The following DNAJC6 variants were observed in gnomAD, a reference collection of about 807,000 sequenced individuals.
The protein encoded by DNAJC6 is auxilin.
Under a neutral mutation model 110.0 loss-of-function variants are expected in DNAJC6, and 34 were observed. That is an observed-to-expected ratio of 0.31 (90% CI 0.24 to 0.41). DNAJC6 has a LOEUF of 0.41. DNAJC6 is among the 10% of genes least tolerant of loss of function. The pLI is 1.00. For missense variants in DNAJC6, 1,031 were observed against 1,207.8 expected (o/e 0.85, Z 2.17); for synonymous variants, 406 against 437.2 (o/e 0.93, Z 0.89).
At chr1:65,388,118 C>A (rs548617417) in intron 8 of DNAJC6, among the ~76,000 whole-genome samples, 17 of 152,008 alleles carry the variant, frequency 1.1e-4, no homozygotes, top group African/African-American at 2.9e-4. Flanking sequence ...TAGTATTTAG[C>A]GGATGAGAAA....
chr1:65,385,601 A>G (rs973834423), intron 6 of DNAJC6, 111 bp from the exon 7 acceptor site: 2 of 935,870 alleles, frequency 2.1e-6, no homozygotes, highest in African/African-American at 1.6e-5. Context: ...AATTGATAGA[A>G]TAAGTTTTTA....
chr1:65,372,543 A>T lies in DNAJC6; in HGVS notation c.543+6347A>T, dbSNP rs186864764. 2.3e-4 allele frequency among the ~76,000 whole-genome samples: 35 copies of T among 152,230 alleles called. No homozygotes were observed. The East Asian group carries it at 6.6e-3, about 29-fold the overall frequency. On this transcript the variant is annotated intron_variant, in intron 4 of 18. Transcript: ENST00000371069. ...TAAGCAGTTTATTCAGTACAGCTTG[A>T]CCGCAAGCTAGCATTTACTGTGTTT...
chr1:65,294,854 A>G (rs902291060), intron 1 of DNAJC6, among the ~76,000 whole-genome samples: 11 of 152,204 alleles, frequency 7.2e-5, no homozygotes, highest in Admixed American at 5.9e-4. Context: ...TCTGTACAAT[A>G]TAGAGTACAG....
upstream of DNAJC6, among the ~76,000 whole-genome samples, chr1:65,308,167 T>C (rs1645062030): frequency 6.6e-6 from 1 of 152,204 alleles, no homozygotes; most frequent in African/African-American, 2.4e-5. Context: ...TCTTAGATGC[T>C]ATTGTTTGAT....
intron 4 of DNAJC6, among the ~76,000 whole-genome samples, chr1:65,372,723 C>T (rs1645719013): frequency 1.3e-5 from 2 of 151,728 alleles, no homozygotes. Flanking sequence ...TGGATTTAAC[C>T]ATGTTGTTCT....
chr1:65,306,249 G>C (rs144062780), upstream of DNAJC6, among the ~76,000 whole-genome samples: 130 of 151,972 alleles, frequency 8.6e-4, no homozygotes, highest in African/African-American at 3.1e-3. Flanking sequence ...GGGTTTCACC[G>C]TGTTAGCCAG....
intron 14 of DNAJC6, among the ~76,000 whole-genome samples, chr1:65,400,380 A>G (rs1053474306): frequency 2.0e-5 from 3 of 152,234 alleles, no homozygotes; most frequent in Admixed American, 6.5e-5. Context: ...GTAGTAGATC[A>G]TCATTAACTA....
chr1:65,302,465 G>A (rs953354413), intron 1 of DNAJC6, among the ~76,000 whole-genome samples: 9 of 147,630 alleles, frequency 6.1e-5, no homozygotes, highest in African/African-American at 2.2e-4. Flanking sequence ...CTATGGGAGT[G>A]CACTCTTGAT....
At chr1:65,288,443 G>C (rs1286917815) in intron 1 of DNAJC6, among the ~76,000 whole-genome samples, 1 of 152,184 alleles carries the variant, frequency 6.6e-6, no homozygotes, top group Non-Finnish European at 1.5e-5. Context: ...TTGCACAAAT[G>C]GGCATATTTA....
chr1:65,316,330 C>A lies in DNAJC6; in HGVS notation c.193+6392C>A, dbSNP rs570901739. On this transcript the variant is annotated intron_variant, in intron 1 of 18. Transcript: ENST00000371069. ...CATAGACCCCTGGACACCCACTTTTCCAGGTTATCTCCTATTCATTCTTCA... is the reference window on the plus strand; with the variant it reads ...CATAGACCCCTGGACACCCACTTTTACAGGTTATCTCCTATTCATTCTTCA... Among the ~76,000 whole-genome samples the A allele has an allele frequency of 2.6e-5, 4 of 152,322 alleles. No homozygotes were observed. In the East Asian group the frequency reaches 7.7e-4, roughly 29 times the overall value.
At chr1:65,281,043 C>T (rs1195918119) in intron 1 of DNAJC6, among the ~76,000 whole-genome samples, 1 of 152,068 alleles carries the variant, frequency 6.6e-6, no homozygotes, top group Non-Finnish European at 1.5e-5. Flanking sequence ...TCAAGCAGTT[C>T]TTGTGCCTCA....
At chr1:65,289,832 CAG>C (rs1173177678) in intron 1 of DNAJC6, among the ~76,000 whole-genome samples, 2 of 146,280 alleles carry the variant, frequency 1.4e-5, no homozygotes. Context: ...TTTTTTGAGA[CAG>C]AGTTTCATTA....
intron 1 of DNAJC6, among the ~76,000 whole-genome samples, chr1:65,361,738 A>G (rs1645599216): frequency 6.6e-6 from 1 of 152,228 alleles, no homozygotes. Context: ...TGGTTTGTCA[A>G]TATCTAGATA....
chr1:65,377,196 G>C lies in DNAJC6; in HGVS notation c.544-2206G>C, dbSNP rs567067763. Among the ~76,000 whole-genome samples, 114 of 152,270 alleles carry C rather than the reference G, an allele frequency of 7.5e-4. 1 individual carries two copies. The highest frequency in any genetic ancestry group is 1.7e-3 in the South Asian group (8 of 4,826). On this transcript the variant is annotated intron_variant, in intron 4 of 18. Coordinates refer to ENST00000371069, the MANE Select transcript of DNAJC6 (RefSeq NM_001256864.2). ...AAAATATTCAGTAAATGTCAATAAG[G>C]CCTATTAGATCTTGAACCTGGGTTT...
chr1:65,333,638 A>G (rs1645308530), intron 1 of DNAJC6, among the ~76,000 whole-genome samples: 2 of 152,168 alleles, frequency 1.3e-5, no homozygotes, highest in Admixed American at 1.3e-4. Flanking sequence ...CTTAAAAAGC[A>G]TCAGTGCCAT....
chr1:65,374,529 T>C (rs1398107618), intron 4 of DNAJC6, among the ~76,000 whole-genome samples: 1 of 152,178 alleles, frequency 6.6e-6, no homozygotes, highest in African/African-American at 2.4e-5. Context: ...GTATTTTATA[T>C]TTTTTGTAGC....
chr1:65,308,939 TCCC>T (rs1645069393), upstream of DNAJC6, among the ~76,000 whole-genome samples: 1 of 151,244 alleles, frequency 6.6e-6, no homozygotes, highest in South Asian at 2.1e-4. Flanking sequence ...TTAGGGATCA[TCCC>T]TATTCTGGAG....
chr1:65,412,897 T>C, intron 18 of DNAJC6, 27 bp from the exon 19 acceptor site: 1 of 1,597,272 alleles, frequency 6.3e-7, no homozygotes, highest in Non-Finnish European at 8.6e-7. Flanking sequence ...CTGTGGTATC[T>C]AATGTGTGTT....
At chr1:65,378,181 C>G (rs1463060680) in intron 4 of DNAJC6, among the ~76,000 whole-genome samples, 1 of 152,222 alleles carries the variant, frequency 6.6e-6, no homozygotes, top group African/African-American at 2.4e-5. Context: ...CACCAACCTC[C>G]TGACTGGTCT....
Sources: gnomAD v4.1 joint callset for allele counts (sites outside exome capture counted in the v4.1 genomes callset) on GRCh38, gnomAD v4.1.1 for gene constraint, MANE v1.5 for transcripts, NCBI Gene and HGNC (gene_info 2026-07-23, HGNC 2026-07-21) for gene names.